The following BCAS3 variants were observed in gnomAD, a reference collection of about 807,000 sequenced individuals.
BCAS3 encodes the protein BCAS4/BCAS3 fusion.
Under a neutral mutation model 116.1 loss-of-function variants are expected in BCAS3, and 53 were observed. The ratio of observed to expected loss-of-function variants is 0.46; its 90% CI spans 0.37 to 0.57. The LOEUF (loss-of-function observed/expected upper bound fraction) is 0.57, where lower values mean the gene tolerates loss of function less well. BCAS3 is among the 20% of genes least tolerant of loss of function. The probability of loss-of-function intolerance (pLI) is 0.00; values close to 1 mark genes in which losing one functional copy is unlikely to be tolerated. For synonymous variants in BCAS3, 391 were observed against 408.2 expected (o/e 0.96, Z 0.51); for missense variants, 917 against 1,165.4 (o/e 0.79, Z 3.10).
intron 9 of BCAS3, among the ~76,000 whole-genome samples, chr17:60,878,455 T>C (rs191112235): frequency 3.6e-4 from 55 of 152,330 alleles, no homozygotes; most frequent in African/African-American, 1.3e-3. Context: ...TGTCTGGTTG[T>C]TATTTATGTG....
intron 14 of BCAS3, among the ~76,000 whole-genome samples, chr17:60,989,338 T>A (rs1303786138): frequency 6.6e-6 from 1 of 152,246 alleles, no homozygotes; most frequent in Non-Finnish European, 1.5e-5. Context: ...AGTTGACTGA[T>A]ATTGAGATAA....
chr17:61,367,848 G>C lies in BCAS3; in HGVS notation c.2426-479G>C, dbSNP rs553366199. On this transcript the variant is annotated intron_variant, in intron 22 of 23. Coordinates refer to ENST00000407086, the MANE Select transcript of BCAS3 (RefSeq NM_017679.5). The surrounding 1 kb of genome is among the most constrained non-coding windows in gnomAD (Gnocchi z 6.2). ...ATTTGTAGAGACAGGGTCTCGCGCT[G>C]TTGCCCAGGCTGGTCTCAAAGTCCT... 19 of 152,430 alleles carry C rather than the reference G, an allele frequency of 1.2e-4. No individual in the cohort carries two copies. Among genetic ancestry groups the C allele is most frequent in the African/African-American group, 4.3e-4 (18 of 41,526 alleles). 9.4% of individuals were successfully genotyped at this position (152,430 alleles called of 1,614,324 possible).
chr17:61,083,860 G>A lies in BCAS3; in HGVS notation c.2328-607G>A, dbSNP rs781104906. On this transcript the variant is annotated intron_variant, in intron 21 of 23. Coordinates refer to ENST00000407086, the MANE Select transcript of BCAS3 (RefSeq NM_017679.5). The surrounding 1 kb of genome is among the most constrained non-coding windows in gnomAD (Gnocchi z 4.9). ...TTAAATTGTGTGTAGTAATTTGCAC[G>A]TTTACTGAGGTTCTAATTGATTGTT... Among the ~76,000 whole-genome samples the A allele has an allele frequency of 2.0e-5, 3 of 152,166 alleles. No homozygotes were observed. Among genetic ancestry groups the A allele is most frequent in the Non-Finnish European group, 2.9e-5 (2 of 67,998 alleles).
intron 16 of BCAS3, among the ~76,000 whole-genome samples, chr17:61,025,495 A>G (rs184872736): frequency 6.6e-6 from 1 of 152,222 alleles, no homozygotes; most frequent in African/African-American, 2.4e-5. Flanking sequence ...AACATTTATT[A>G]CAGATAACAC....
intron 11 of BCAS3, among the ~76,000 whole-genome samples, chr17:60,909,846 TAA>T (rs2058394669): frequency 6.6e-6 from 1 of 152,188 alleles, no homozygotes; most frequent in African/African-American, 2.4e-5. Context: ...ATAAACATCT[TAA>T]GTTATCTTTA....
At chr17:60,696,159 G>A (rs760157218) in intron 4 of BCAS3, among the ~76,000 whole-genome samples, 85 of 152,136 alleles carry the variant, frequency 5.6e-4, no homozygotes, top group Non-Finnish European at 1.3e-4. Context: ...TCCCATTATT[G>A]GAATAGTTGC....
chr17:60,892,327 T>C (rs1446303550), intron 10 of BCAS3, among the ~76,000 whole-genome samples: 2 of 151,806 alleles, frequency 1.3e-5, no homozygotes, highest in East Asian at 2.0e-4. Flanking sequence ...TTTTTTTTTT[T>C]TTGAGACAGA....
chr17:60,986,740 T>G (rs925514656), intron 14 of BCAS3: 1 of 152,214 alleles, frequency 6.6e-6, no homozygotes, highest in Non-Finnish European at 1.5e-5. Context: ...TGTTAATCCC[T>G]TGTCAGATGG....
chr17:61,385,033 G>T lies in BCAS3; in HGVS notation c.2594-6944G>T, dbSNP rs184113102. ...TTCACCTCCTAAAAAGTGCCCTGGG[G>T]GCTGAGGCTGGCTCCATCCCAGAGT... On this transcript the variant is annotated intron_variant, in intron 23 of 23. Transcript: ENST00000407086. Among the ~76,000 whole-genome samples the T allele has an allele frequency of 4.3e-4, 65 of 152,306 alleles. 1 individual carries two copies. The highest frequency in any genetic ancestry group is 3.4e-3 in the Middle Eastern group (1 of 294).
chr17:61,369,336 G>A (rs958064915), intron 23 of BCAS3, among the ~76,000 whole-genome samples: 5 of 152,132 alleles, frequency 3.3e-5, no homozygotes, highest in Non-Finnish European at 5.9e-5. Flanking sequence ...TTTCTCTCCT[G>A]CTTGCCTGAG....
chr17:61,081,727 A>G (rs967348030), intron 21 of BCAS3, among the ~76,000 whole-genome samples: 3 of 152,200 alleles, frequency 2.0e-5, no homozygotes, highest in East Asian at 3.9e-4. Context: ...TAGTACCACC[A>G]TTTCCCACCC....
chr17:61,308,904 A>C (rs1174264116), intron 22 of BCAS3, among the ~76,000 whole-genome samples: 1 of 152,158 alleles, frequency 6.6e-6, no homozygotes, highest in East Asian at 1.9e-4. Flanking sequence ...TTTTTTATGC[A>C]CTGGAATCTG....
chr17:61,351,324 G>C (rs991253019), intron 22 of BCAS3, among the ~76,000 whole-genome samples: 1 of 152,176 alleles, frequency 6.6e-6, no homozygotes, highest in Non-Finnish European at 1.5e-5. Flanking sequence ...TCCTCAAGAA[G>C]CCAAACAGCA....
intron 18 of BCAS3, 89 bp from the exon 19 acceptor site, chr17:61,040,703 A>G (rs1273095638): frequency 1.6e-5 from 17 of 1,041,060 alleles, no homozygotes; most frequent in Non-Finnish European, 2.5e-5. Flanking sequence ...GTGTGAGTTT[A>G]AGTCACTGTT....
chr17:60,688,814 T>TC (rs1435771735), intron 3 of BCAS3: 6 of 138,744 alleles, frequency 4.3e-5, no homozygotes, highest in Admixed American at 2.9e-4. Flanking sequence ...AGACTCTGTC[T>TC]CAAAAAAAAA....
At chr17:60,751,696 C>T (rs1306518994) in intron 6 of BCAS3, among the ~76,000 whole-genome samples, 1 of 152,052 alleles carries the variant, frequency 6.6e-6, no homozygotes, top group African/African-American at 2.4e-5. Context: ...GCATGTGCCA[C>T]CACACCCGAC....
At chr17:61,277,454 A>G (rs1361461421) in intron 22 of BCAS3, among the ~76,000 whole-genome samples, 1 of 152,110 alleles carries the variant, frequency 6.6e-6, no homozygotes, top group Non-Finnish European at 1.5e-5. Context: ...TGTCTTACAT[A>G]TGACACCAAA....
intron 12 of BCAS3, among the ~76,000 whole-genome samples, chr17:60,915,074 C>T (rs1051610869): frequency 5.9e-5 from 9 of 152,148 alleles, no homozygotes; most frequent in Admixed American, 6.5e-5. Context: ...TTTTACTTAT[C>T]AGAAACTGAG....
chr17:60,716,393 A>T (rs992815224), intron 5 of BCAS3, among the ~76,000 whole-genome samples: 2 of 152,228 alleles, frequency 1.3e-5, no homozygotes, highest in Non-Finnish European at 2.9e-5. Context: ...GGAACAATAA[A>T]CACTAAACAG....
Sources: gnomAD v4.1 joint callset for allele counts (sites outside exome capture counted in the v4.1 genomes callset) on GRCh38, gnomAD v4.1.1 for gene constraint, Gnocchi (gnomAD v3.1) non-coding constraint, MANE v1.5 for transcripts, NCBI Gene and HGNC (gene_info 2026-07-23, HGNC 2026-07-21) for gene names.